The following RNF220 variants were observed in gnomAD, a reference collection of about 807,000 sequenced individuals.
RNF220 encodes E3 ubiquitin-protein ligase RNF220.
Under a neutral mutation model 67.1 loss-of-function variants are expected in RNF220, and 7 were observed. The observed-to-expected ratio is 0.10, with a 90% confidence interval of 0.06 to 0.20. The LOEUF (loss-of-function observed/expected upper bound fraction) is 0.20, where lower values mean the gene tolerates loss of function less well. Ranked by LOEUF, RNF220 falls within the 10% of genes least tolerant of loss-of-function variation. RNF220 has a pLI of 1.00. For synonymous variants in RNF220, 270 were observed against 283.2 expected (o/e 0.95, Z 0.47); for missense variants, 565 against 740.3 (o/e 0.76, Z 2.75).
At chr1:44,453,300 T>G (rs1011430490) in intron 2 of RNF220, among the ~76,000 whole-genome samples, 2 of 152,198 alleles carry the variant, frequency 1.3e-5, no homozygotes, top group Admixed American at 6.5e-5. Flanking sequence ...TTTTCTTGTC[T>G]TATTGCACTA....
intron 2 of RNF220, among the ~76,000 whole-genome samples, chr1:44,428,146 A>G (rs1046610121): frequency 1.3e-5 from 2 of 152,168 alleles, no homozygotes; most frequent in African/African-American, 4.8e-5. Context: ...ATACCCGAAA[A>G]GGCACAGAGT....
At chr1:44,557,133 T>TA (rs1663161829) in intron 2 of RNF220, among the ~76,000 whole-genome samples, 4 of 147,268 alleles carry the variant, frequency 2.7e-5, no homozygotes, top group Non-Finnish European at 6.0e-5. Flanking sequence ...GTATATATAT[T>TA]TTATATACGT....
chr1:44,625,063 G>A (rs1045457816), intron 4 of RNF220, among the ~76,000 whole-genome samples: 11 of 149,766 alleles, frequency 7.3e-5, no homozygotes, highest in African/African-American at 1.7e-4. Context: ...GAGAGAAAGC[G>A]CACAAACAGG....
chr1:44,504,542 TG>T (rs147742266), intron 2 of RNF220, among the ~76,000 whole-genome samples: 8,038 of 151,852 alleles, frequency 0.053, 342 homozygotes, highest in South Asian at 0.11. Flanking sequence ...TCCGGGTTTG[TG>T]ACAGCACATG....
In RNF220 at chr1:44,622,998, A is replaced by T. The variant is rs2148450946; in HGVS notation, c.804+211A>T. Among the ~76,000 whole-genome samples, 1 of 152,268 alleles carries T rather than the reference A, an allele frequency of 6.6e-6. No homozygotes were observed. The highest frequency in any genetic ancestry group is 1.5e-5 in the Non-Finnish European group (1 of 68,016). On this transcript the variant is annotated intron_variant, in intron 4 of 14. Transcript: ENST00000361799. The surrounding 1 kb of genome is among the most constrained non-coding windows in gnomAD (Gnocchi z 4.3). ...AGTGTGTGTGGTCTGTGCATGAGTG[A>T]GAGTATGCTCATCTGACTTCCTCCT...
Position 44,634,584 on chromosome 1 carries a change from C to G in RNF220, c.950-961C>G, listed in dbSNP as rs150794705. ...TTTGCTGGCTCTCCCCACTCCCCAT[C>G]AGTCTGGTCCCAGAGTAGCCATCTC... On this transcript the variant is annotated intron_variant, in intron 6 of 14. Coordinates refer to ENST00000361799, the MANE Select transcript of RNF220 (RefSeq NM_018150.4). 1.7e-3 allele frequency among the ~76,000 whole-genome samples: 261 copies of G among 152,334 alleles called. 2 individuals carry two copies. The highest frequency in any genetic ancestry group is 6.8e-3 in the Middle Eastern group (2 of 294).
In RNF220 at chr1:44,624,671, G is replaced by C. The variant is rs143894764; in HGVS notation, c.805-1626G>C. 5.9e-5 allele frequency among the ~76,000 whole-genome samples: 9 copies of C among 152,232 alleles called. No individual in the cohort carries two copies. The highest frequency in any genetic ancestry group is 4.6e-4 in the Admixed American group (7 of 15,296). On this transcript the variant is annotated intron_variant, in intron 4 of 14. Transcript: ENST00000361799. This position sits in a 1 kb window ranked among gnomAD's most constrained non-coding sequence, Gnocchi z 4.2. ...TCAAGCAAGAGACTGAAAGGACAGG[G>C]AGAAGGAGGGAGGGAGGAGGAGGAG...
chr1:44,502,119 G>T (rs1657965922), intron 2 of RNF220, among the ~76,000 whole-genome samples: 1 of 137,898 alleles, frequency 7.3e-6, no homozygotes, highest in Non-Finnish European at 1.6e-5. Context: ...GCTCCTGGCT[G>T]CAGTATGATC....
At chr1:44,552,619 G>A (rs1423382739) in intron 2 of RNF220, among the ~76,000 whole-genome samples, 6 of 131,514 alleles carry the variant, frequency 4.6e-5, no homozygotes, top group African/African-American at 1.8e-4. Flanking sequence ...CACCCAGGCT[G>A]GAGTGCAGTT....
rs1643447822 is a variant in RNF220, at chr1:44,614,289, G to T, written c.750G>T (p.Leu250=). ...AGGAACTGGAGCAGCTAGCCCAACT[G>T]CCCTCGAGGTAAGCCACCTCCCAGG... ...MEQELEQLAQ[L]PSSKNSLLKD... The change falls in exon 3 of 15, where the codon CTG becomes CTT. Residue 250 remains leucine (L), a synonymous_variant. Transcript: ENST00000361799. The T allele has an allele frequency of 1.9e-6, 3 of 1,613,822 alleles. No individual in the cohort carries two copies. The highest frequency in any genetic ancestry group is 2.5e-6 in the Non-Finnish European group (3 of 1,179,802).
chr1:44,650,566 A>T lies in RNF220; in HGVS notation c.1630-138A>T, dbSNP rs1644764794. 1.2e-6 allele frequency: 1 copy of T among 861,154 alleles called. No individual in the cohort carries two copies. The highest frequency in any genetic ancestry group is 1.5e-5 in the South Asian group (1 of 66,048). The allele number at this position is 861,154 out of a possible 1,614,324, so 53.3% of individuals were successfully genotyped here. A position where few individuals can be genotyped will look rare whatever the true frequency, so the allele number is the denominator to read the frequency against. On this transcript the variant is annotated intron_variant, in intron 14 of 14. Coordinates refer to ENST00000361799, the MANE Select transcript of RNF220 (RefSeq NM_018150.4). This position sits in a 1 kb window ranked among gnomAD's most constrained non-coding sequence, Gnocchi z 4.3. ...GCCTGCCTGCTCACAGAAGCTGCCT[A>T]TGCGTCCCCAGCCTGGGCTGACAGG...
At chr1:44,410,881 T>C (rs543214717) in intron 1 of RNF220, among the ~76,000 whole-genome samples, 1 of 152,278 alleles carries the variant, frequency 6.6e-6, no homozygotes, top group African/African-American at 2.4e-5. Context: ...ATAGCCCTTC[T>C]CCCAGCCCCC....
rs559417350 is a variant in RNF220, at chr1:44,445,806, T to C, written c.625+33084T>C. ...TATTGCATTTATTGGTTAATATGCC[T>C]GCCTCTTCCATCATATTATACATGA... On this transcript the variant is annotated intron_variant, in intron 2 of 14. Transcript: ENST00000361799. Among the ~76,000 whole-genome samples the C allele has an allele frequency of 1.2e-4, 18 of 152,348 alleles. 2 individuals carry two copies. Among genetic ancestry groups the C allele is most frequent in the African/African-American group, 4.3e-4 (18 of 41,584 alleles).
rs1049994097 is a variant in RNF220 at position 44,649,340 on chromosome 1, CATG to C, written c.1446-320_1446-318del. 3.3e-5 allele frequency: 13 copies of C among 390,358 alleles called. No homozygotes were observed. The highest frequency in any genetic ancestry group is 7.8e-4 in the Middle Eastern group (1 of 1,286). 24.2% of individuals were successfully genotyped at this position (390,358 alleles called of 1,614,324 possible). ...TGGAAGACATCTGAGAGCCTGGACT[CATG>C]GTGGTGAGGAGAGATGCCGGAGATA... is the stretch of plus-strand genomic sequence containing the variant. On this transcript the variant is annotated intron_variant, in intron 12 of 14. Coordinates refer to ENST00000361799, the MANE Select transcript of RNF220 (RefSeq NM_018150.4). This position sits in a 1 kb window ranked among gnomAD's most constrained non-coding sequence, Gnocchi z 5.9.
At chr1:44,451,925 C>T (rs767391257) in intron 2 of RNF220, among the ~76,000 whole-genome samples, 1 of 152,120 alleles carries the variant, frequency 6.6e-6, no homozygotes, top group Non-Finnish European at 1.5e-5. Flanking sequence ...AGCCTTAACT[C>T]TTCTGTCAGT....
chr1:44,461,722 A>G (rs552561925), intron 2 of RNF220, among the ~76,000 whole-genome samples: 10 of 152,260 alleles, frequency 6.6e-5, no homozygotes, highest in Admixed American at 2.0e-4. Context: ...AATGTGTCCT[A>G]TGATGCTCTG....
At chr1:44,504,341 T>C (rs1425775765) in intron 2 of RNF220, among the ~76,000 whole-genome samples, 1 of 152,226 alleles carries the variant, frequency 6.6e-6, no homozygotes, top group Non-Finnish European at 1.5e-5. Flanking sequence ...CTTGGGCTAA[T>C]CTGCCCAAGG....
At position 44,593,879 on chromosome 1, in the gene RNF220, G is replaced by A. The variant is rs545612618; in HGVS notation, c.626-20286G>A. Among the ~76,000 whole-genome samples the A allele has an allele frequency of 9.3e-4, 141 of 152,080 alleles. 2 individuals are homozygous for A. The highest frequency in any genetic ancestry group is 3.1e-3 in the African/African-American group (129 of 41,478). ...GTGGGTGGATCATTTGAGGTCAGGA[G>A]TTCAAGACCAGCCTGGCCAACATGG... On this transcript the variant is annotated intron_variant, in intron 2 of 14. Transcript: ENST00000361799.
chr1:44,629,253 C>A (rs1422940545), intron 5 of RNF220, among the ~76,000 whole-genome samples: 4 of 152,258 alleles, frequency 2.6e-5, no homozygotes, highest in African/African-American at 9.6e-5. Flanking sequence ...CCACCACTTT[C>A]TATTAAGCAA....
Sources: allele counts gnomAD v4.1 joint callset (sites outside exome capture counted in the v4.1 genomes callset), GRCh38; gene constraint gnomAD v4.1.1; non-coding constraint Gnocchi (gnomAD v3.1); transcripts MANE v1.5; gene names NCBI Gene and HGNC (gene_info 2026-07-23, HGNC 2026-07-21).